MAST2: variants seen among roughly 807,000 people sequenced by gnomAD.
The protein encoded by MAST2 is microtubule-associated serine/threonine-protein kinase 2.
MAST2 carries 70 observed loss-of-function variants against 147.4 expected under a neutral mutation model. That is an observed-to-expected ratio of 0.47 (90% CI 0.39 to 0.58). The LOEUF is 0.58. MAST2 is among the 20% of genes least tolerant of loss of function. MAST2 has a pLI of 0.00. For missense variants in MAST2, 2,080 were observed against 2,302.3 expected, an observed-to-expected ratio of 0.90 and a Z score of 1.98; for synonymous variants, 869 against 896.8, an observed-to-expected ratio of 0.97 and a Z score of 0.55.
chr1:46,016,709 G>T (rs998442918), intron 10 of MAST2, among the ~76,000 whole-genome samples: 1 of 152,184 alleles, frequency 6.6e-6, no homozygotes, highest in Admixed American at 6.5e-5. Flanking sequence ...CATGCTCATG[G>T]GTAGGAAGAA....
intron 4 of MAST2, among the ~76,000 whole-genome samples, chr1:45,947,740 G>A (rs367737017): frequency 2.6e-5 from 4 of 152,084 alleles, no homozygotes; most frequent in Admixed American, 6.5e-5. Flanking sequence ...TTTTTGAGAC[G>A]GAGTCTCGCT....
In MAST2 at chr1:45,998,805, G is replaced by A. The variant is rs188918185; in HGVS notation, c.668+1006G>A. On this transcript the variant is annotated intron_variant, in intron 6 of 28. Transcript: ENST00000361297. ...TGCTGTGGCATGATCTCGGCTCACT[G>A]CAAACTCCGCCTCCCGGGTTCACGC... Among the ~76,000 whole-genome samples the A allele has an allele frequency of 5.7e-4, 86 of 151,166 alleles. No individual in the cohort carries two copies. The East Asian group carries it at 0.013, about 23-fold the overall frequency.
At chr1:45,904,212 C>T (rs1474145342) in intron 4 of MAST2, among the ~76,000 whole-genome samples, 2 of 151,226 alleles carry the variant, frequency 1.3e-5, no homozygotes, top group Non-Finnish European at 2.9e-5. Flanking sequence ...TACTCTTGTC[C>T]CCCAGGCTGG....
intron 10 of MAST2, among the ~76,000 whole-genome samples, chr1:46,016,602 T>A (rs1048469300): frequency 6.6e-6 from 1 of 152,106 alleles, no homozygotes; most frequent in African/African-American, 2.4e-5. Flanking sequence ...ATAAAATACC[T>A]AGGAATCCAA....
intron 4 of MAST2, among the ~76,000 whole-genome samples, chr1:45,931,231 T>C (rs1655234199): frequency 6.6e-6 from 1 of 152,198 alleles, no homozygotes; most frequent in Non-Finnish European, 1.5e-5. Flanking sequence ...TTCCTCAACT[T>C]TTATAACCTC....
chr1:45,883,555 A>G (rs1334659399), intron 4 of MAST2, among the ~76,000 whole-genome samples: 1 of 152,186 alleles, frequency 6.6e-6, no homozygotes, highest in East Asian at 1.9e-4. Context: ...TAAAATGAAG[A>G]TAATGTTACC....
chr1:45,828,845 G>T (rs1570265214), intron 2 of MAST2, among the ~76,000 whole-genome samples: 1 of 151,902 alleles, frequency 6.6e-6, no homozygotes, highest in African/African-American at 2.4e-5. Flanking sequence ...AATCGCTTGA[G>T]CCTGGGAGGC....
chr1:45,980,709 A>AT (rs1237833926), intron 5 of MAST2, among the ~76,000 whole-genome samples: 3 of 151,884 alleles, frequency 2.0e-5, no homozygotes, highest in East Asian at 1.9e-4. Context: ...TAATTTTTTA[A>AT]TTTTTTTGTA....
intron 4 of MAST2, among the ~76,000 whole-genome samples, chr1:45,943,634 A>G (rs1414399319): frequency 1.3e-5 from 2 of 152,128 alleles, no homozygotes; most frequent in African/African-American, 4.8e-5. Context: ...AATCCCGGCT[A>G]CTCAGGAAGG....
chr1:45,898,967 T>G (rs1050925807), intron 4 of MAST2, among the ~76,000 whole-genome samples: 1 of 152,198 alleles, frequency 6.6e-6, no homozygotes, highest in Admixed American at 6.5e-5. Flanking sequence ...CAGATTTCCA[T>G]TGTCCTCTCA....
At chr1:45,947,909 G>C (rs1294766770) in intron 4 of MAST2, among the ~76,000 whole-genome samples, 1 of 152,098 alleles carries the variant, frequency 6.6e-6, no homozygotes, top group African/African-American at 2.4e-5. Flanking sequence ...GTAGAGACAG[G>C]GTTTCATCAT....
chr1:45,815,240 G>A (rs534136188), intron 1 of MAST2, among the ~76,000 whole-genome samples: 33 of 151,462 alleles, frequency 2.2e-4, no homozygotes, highest in African/African-American at 7.8e-4. Context: ...CGTGATCTCG[G>A]TTCACTGCAA....
At chr1:46,010,972 C>A (rs776953422) in intron 10 of MAST2, 33 bp downstream of exon 10, 2 of 1,567,162 alleles carry the variant, frequency 1.3e-6, no homozygotes, top group Non-Finnish European at 1.8e-6. Flanking sequence ...TCTGAAAAAA[C>A]CTCCACCTGG....
chr1:45,821,964 C>G (rs940638243), intron 1 of MAST2, among the ~76,000 whole-genome samples: 2 of 139,774 alleles, frequency 1.4e-5, no homozygotes, highest in Admixed American at 1.6e-4. Flanking sequence ...TTTCTGCTCA[C>G]TGCAACCTCC....
chr1:45,956,794 T>C (rs1281458955), intron 4 of MAST2, among the ~76,000 whole-genome samples: 1 of 152,232 alleles, frequency 6.6e-6, no homozygotes, highest in Non-Finnish European at 1.5e-5. Context: ...TGGAAATTTT[T>C]GGTGACTGTT....
intron 3 of MAST2, among the ~76,000 whole-genome samples, chr1:45,870,610 C>A (rs1646345219): frequency 6.6e-6 from 1 of 150,920 alleles, no homozygotes; most frequent in Non-Finnish European, 1.5e-5. Flanking sequence ...TATTAAGACT[C>A]TTTTTTTTCA....
chr1:45,895,397 A>G lies in MAST2; in HGVS notation c.500+13002A>G, dbSNP rs150207789. Among the ~76,000 whole-genome samples, 663 of 152,330 alleles carry G rather than the reference A, an allele frequency of 4.4e-3. 6 individuals are homozygous for G. The highest frequency in any genetic ancestry group is 0.015 in the African/African-American group (624 of 41,574). Reference sequence around the variant, plus strand: ...ATCAGTGTCCCACTCTGCTGCCACAAATGGGAATAACTTAGCTATAAATAA... The same window carrying G: ...ATCAGTGTCCCACTCTGCTGCCACAGATGGGAATAACTTAGCTATAAATAA... On this transcript the variant is annotated intron_variant, in intron 4 of 28. Coordinates refer to ENST00000361297, the MANE Select transcript of MAST2 (RefSeq NM_015112.3).
At chr1:45,813,956 A>C (rs1644377882) in intron 1 of MAST2, among the ~76,000 whole-genome samples, 1 of 152,158 alleles carries the variant, frequency 6.6e-6, no homozygotes, top group African/African-American at 2.4e-5. Context: ...CTGGCTTCCC[A>C]TAAGATTATA....
chr1:45,824,549 A>G lies in MAST2; in HGVS notation c.294A>G (p.Leu98=), dbSNP rs1644733205. 1.9e-6 allele frequency: 3 copies of G among 1,607,246 alleles called. No individual in the cohort carries two copies. Among genetic ancestry groups the G allele is most frequent in the Non-Finnish European group, 2.6e-6 (3 of 1,175,912 alleles). Residue 98 remains leucine, a synonymous_variant, in exon 2 of 29, where the codon TTA becomes TTG. Coordinates refer to ENST00000361297, the MANE Select transcript of MAST2 (RefSeq NM_015112.3). ...AACTGAGTCAGGATGATTGTAAGTT[A>G]TGGAGAGGAAACCTGGCCAGCTCTC... ...QRQLSQDDCK[L]WRGNLASSLS...
Sources: allele counts gnomAD v4.1 joint callset (sites outside exome capture counted in the v4.1 genomes callset), GRCh38; gene constraint gnomAD v4.1.1; transcripts MANE v1.5; gene names NCBI Gene and HGNC (gene_info 2026-07-23, HGNC 2026-07-21).